Variants in PDE4B observed in about 807,000 individuals in gnomAD.
The protein encoded by PDE4B is 3',5'-cyclic-AMP phosphodiesterase 4B.
A neutral mutation model predicts 82.2 loss-of-function variants in PDE4B; 20 were observed. That is an observed-to-expected ratio of 0.24 (90% CI 0.17 to 0.35). The LOEUF is 0.35. PDE4B is among the 10% of genes least tolerant of loss of function. PDE4B has a pLI of 1.00. For missense variants in PDE4B, 655 were observed against 907.2 expected (o/e 0.72, Z 3.57); for synonymous variants, 320 against 318.9 (o/e 1.00, Z -0.04).
intron 3 of PDE4B, among the ~76,000 whole-genome samples, chr1:66,084,947 G>A (rs1322934876): frequency 6.6e-6 from 1 of 152,176 alleles, no homozygotes; most frequent in Non-Finnish European, 1.5e-5. Context: ...CATAGAGTTA[G>A]GGCAGGGATG....
At chr1:65,905,182 G>A (rs2100434106) in intron 1 of PDE4B, among the ~76,000 whole-genome samples, 1 of 152,244 alleles carries the variant, frequency 6.6e-6, no homozygotes, top group East Asian at 1.9e-4. Flanking sequence ...AAACAAATAT[G>A]TAATTGTGAA....
chr1:65,855,902 G>C (rs1438898737), intron 1 of PDE4B, among the ~76,000 whole-genome samples: 1 of 152,086 alleles, frequency 6.6e-6, no homozygotes, highest in Non-Finnish European at 1.5e-5. Context: ...TGCAGTCATA[G>C]TGATTGCAGT....
intron 1 of PDE4B, among the ~76,000 whole-genome samples, chr1:65,862,251 A>G (rs1392101183): frequency 6.6e-6 from 1 of 152,202 alleles, no homozygotes; most frequent in Non-Finnish European, 1.5e-5. Flanking sequence ...GAGAGTTTTT[A>G]GCATGAAAGG....
intron 3 of PDE4B, among the ~76,000 whole-genome samples, chr1:66,004,734 A>G (rs974174042): frequency 3.9e-5 from 6 of 152,112 alleles, no homozygotes; most frequent in Admixed American, 3.9e-4. Flanking sequence ...TTTATATCAG[A>G]AAGTTTATTC....
intron 1 of PDE4B, among the ~76,000 whole-genome samples, chr1:65,878,786 G>A (rs1023888717): frequency 3.3e-5 from 5 of 151,820 alleles, no homozygotes; most frequent in South Asian, 2.1e-4. Flanking sequence ...AGGCATGTGG[G>A]GCTTAAAACC....
intron 4 of PDE4B, among the ~76,000 whole-genome samples, chr1:66,248,297 A>G (rs1653482311): frequency 6.6e-6 from 1 of 152,266 alleles, no homozygotes; most frequent in African/African-American, 2.4e-5. Flanking sequence ...CATTTATTAA[A>G]TTTCCAAAAC....
intron 7 of PDE4B, among the ~76,000 whole-genome samples, chr1:66,292,840 A>G (rs551810003): frequency 6.6e-6 from 1 of 152,338 alleles, no homozygotes; most frequent in East Asian, 1.9e-4. Context: ...CATGATTTGA[A>G]AAGTAACATA....
chr1:66,240,350 A>T (rs1272556779), intron 3 of PDE4B, among the ~76,000 whole-genome samples: 6 of 152,228 alleles, frequency 3.9e-5, no homozygotes, highest in Admixed American at 1.3e-4. Flanking sequence ...CCTAAGTATC[A>T]TCTGACTCAA....
At chr1:66,234,973 C>G (rs1207686029) in intron 3 of PDE4B, among the ~76,000 whole-genome samples, 2 of 152,126 alleles carry the variant, frequency 1.3e-5, no homozygotes, top group Admixed American at 6.5e-5. Flanking sequence ...CGTTGTCATT[C>G]AGTTCAAAAT....
chr1:66,332,450 G>C (rs756777358), intron 7 of PDE4B, 58 bp from the exon 8 acceptor site: 2 of 1,614,100 alleles, frequency 1.2e-6, no homozygotes, highest in South Asian at 2.2e-5. Flanking sequence ...CGGTGACTCT[G>C]CTATGGACAG....
intron 3 of PDE4B, among the ~76,000 whole-genome samples, chr1:65,920,774 A>G (rs1647221865): frequency 6.6e-6 from 1 of 150,894 alleles, no homozygotes; most frequent in South Asian, 2.1e-4. Flanking sequence ...TGGCGTCAGT[A>G]TTTTAGGTTG....
intron 3 of PDE4B, among the ~76,000 whole-genome samples, chr1:66,116,358 T>C (rs1366981861): frequency 6.6e-6 from 1 of 152,142 alleles, no homozygotes; most frequent in Non-Finnish European, 1.5e-5. Flanking sequence ...TTTAGCATAA[T>C]GAGACAGAGA....
intron 3 of PDE4B, among the ~76,000 whole-genome samples, chr1:66,068,378 AAT>A (rs1398710312): frequency 6.6e-6 from 1 of 152,004 alleles, no homozygotes; most frequent in East Asian, 1.9e-4. Flanking sequence ...AATAGATAGA[AAT>A]ATAGAAACAG....
intron 13 of PDE4B, among the ~76,000 whole-genome samples, chr1:66,366,074 G>A (rs1663222551): frequency 6.6e-6 from 1 of 152,072 alleles, no homozygotes; most frequent in Admixed American, 6.6e-5. Flanking sequence ...AAAGGTTTGG[G>A]GATCCCATGA....
rs572576006 is a variant in PDE4B, at chr1:65,952,520, A to G, written c.281+33685A>G. On this transcript the variant is annotated intron_variant, in intron 3 of 16. Transcript: ENST00000341517. ...ACATGCTGAATCCCCATCTCTACTG[A>G]AAAAATACAAAAATTAGCCAGGCAT... is the stretch of plus-strand genomic sequence containing the variant. Among the ~76,000 whole-genome samples, 17 of 151,828 alleles carry G rather than the reference A, an allele frequency of 1.1e-4. No homozygotes were observed. The South Asian group carries it at 2.5e-3, about 22-fold the overall frequency.
At chr1:66,277,599 T>C (rs891478653) in intron 7 of PDE4B, among the ~76,000 whole-genome samples, 1 of 152,112 alleles carries the variant, frequency 6.6e-6, no homozygotes, top group Non-Finnish European at 1.5e-5. Context: ...TTTCACTATG[T>C]TAGCCAGGCT....
At chr1:65,909,348 T>C (rs747217720) in intron 1 of PDE4B, among the ~76,000 whole-genome samples, 1 of 152,206 alleles carries the variant, frequency 6.6e-6, no homozygotes, top group Admixed American at 6.6e-5. Context: ...TATAGAATTT[T>C]AAAATAATTA....
intron 3 of PDE4B, among the ~76,000 whole-genome samples, chr1:66,083,886 G>A (rs1051080624): frequency 1.3e-5 from 2 of 152,024 alleles, no homozygotes; most frequent in Admixed American, 6.6e-5. Context: ...TTCTGTATGT[G>A]CCAGTCTTCT....
chr1:65,793,949 T>C (rs547648259), intron 1 of PDE4B, among the ~76,000 whole-genome samples: 20 of 152,320 alleles, frequency 1.3e-4, no homozygotes, highest in African/African-American at 4.3e-4. Context: ...TGTGCGGTAC[T>C]TCAAACACAA....
Sources: allele counts gnomAD v4.1 joint callset (sites outside exome capture counted in the v4.1 genomes callset), GRCh38; gene constraint gnomAD v4.1.1; transcripts MANE v1.5; gene names NCBI Gene and HGNC (gene_info 2026-07-23, HGNC 2026-07-21).